DLG2: variants seen among roughly 807,000 people sequenced by gnomAD.
DLG2 encodes disks large homolog 2.
In DLG2, 45 loss-of-function variants were observed where a neutral mutation model predicts 132.5. The observed-to-expected ratio is 0.34, with a 90% CI of 0.27 to 0.44. The LOEUF is 0.44. Among genes scored for constraint, DLG2 ranks in the 20% least tolerant of loss-of-function variants. The probability of loss-of-function intolerance (pLI) is 1.00; values close to 1 mark genes in which losing one functional copy is unlikely to be tolerated. For missense variants in DLG2, 1,045 were observed against 1,196.9 expected, an observed-to-expected ratio of 0.87 and a Z score of 1.87; for synonymous variants, 424 against 419.6, an observed-to-expected ratio of 1.01 and a Z score of -0.13.
At chr11:84,208,464 C>T (rs2096707025) in intron 8 of DLG2, among the ~76,000 whole-genome samples, 1 of 151,778 alleles carries the variant, frequency 6.6e-6, no homozygotes, top group South Asian at 2.1e-4. Context: ...CTGCCTCAGC[C>T]TCCTGAGTAG....
chr11:83,895,136 AACT>A (rs1488156711), intron 15 of DLG2, among the ~76,000 whole-genome samples: 1 of 148,474 alleles, frequency 6.7e-6, no homozygotes, highest in African/African-American at 2.5e-5. Context: ...TATTACTAAG[AACT>A]ACTGTCTTTT....
At chr11:85,524,932 T>C (rs944239383) in intron 3 of DLG2, 1 of 149,298 alleles carries the variant, frequency 6.7e-6, no homozygotes, top group Admixed American at 6.8e-5. Context: ...ATGATGGAAA[T>C]GTTCCATGTT....
At chr11:85,053,274 A>C (rs1242648038) in intron 6 of DLG2, among the ~76,000 whole-genome samples, 1 of 152,102 alleles carries the variant, frequency 6.6e-6, no homozygotes, top group Non-Finnish European at 1.5e-5. Context: ...GAGGAAAAAA[A>C]CACTAAAGAA....
At chr11:85,148,426 C>T (rs116541136) in intron 5 of DLG2, among the ~76,000 whole-genome samples, 7,785 of 151,994 alleles carry the variant, frequency 0.051, 292 homozygotes, top group East Asian at 0.095. Context: ...TTGTTTGTTG[C>T]TTTTTAATAA....
At chr11:84,097,502 T>C (rs543181695) in intron 10 of DLG2, among the ~76,000 whole-genome samples, 1 of 152,302 alleles carries the variant, frequency 6.6e-6, no homozygotes, top group African/African-American at 2.4e-5. Flanking sequence ...TCTTCACTTA[T>C]GCTTTCTGTA....
intron 6 of DLG2, among the ~76,000 whole-genome samples, chr11:84,750,199 G>C (rs192146131): frequency 5.3e-5 from 8 of 151,990 alleles, no homozygotes; most frequent in Admixed American, 1.3e-4. Context: ...ACATGTGCAC[G>C]ATATTCAGGC....
intron 4 of DLG2, among the ~76,000 whole-genome samples, chr11:85,206,194 T>C (rs555966163): frequency 2.3e-4 from 35 of 152,174 alleles, no homozygotes; most frequent in Non-Finnish European, 4.9e-4. Flanking sequence ...CCTTCTGCCA[T>C]GATTGGAAGC....
intron 5 of DLG2, among the ~76,000 whole-genome samples, chr11:85,141,279 T>C (rs1031963155): frequency 6.6e-6 from 1 of 151,926 alleles, no homozygotes; most frequent in Non-Finnish European, 1.5e-5. Flanking sequence ...GGTGAGATGA[T>C]ACCCCACTGT....
intron 7 of DLG2, among the ~76,000 whole-genome samples, chr11:84,291,745 T>C (rs1322355662): frequency 6.6e-6 from 1 of 152,224 alleles, no homozygotes; most frequent in Non-Finnish European, 1.5e-5. Context: ...GGCAAAGTTT[T>C]TCTATAAACC....
intron 6 of DLG2, among the ~76,000 whole-genome samples, chr11:84,662,807 A>AAAAAAAAAAAAAAAAT (rs57074119): frequency 6.8e-6 from 1 of 147,120 alleles, no homozygotes; most frequent in African/African-American, 2.6e-5. Flanking sequence ...AAAAAAAAAA[A>AAAAAAAAAAAAAAAAT]GGCAGTCACT....
intron 10 of DLG2, among the ~76,000 whole-genome samples, chr11:84,070,836 A>T (rs2096745576): frequency 6.6e-6 from 1 of 152,174 alleles, no homozygotes; most frequent in Admixed American, 6.5e-5. Flanking sequence ...ATAAACCTAA[A>T]TTCAAGGTCA....
intron 11 of DLG2, among the ~76,000 whole-genome samples, chr11:84,024,524 A>C (rs1160062930): frequency 6.6e-6 from 1 of 152,176 alleles, no homozygotes; most frequent in Non-Finnish European, 1.5e-5. Context: ...ATTAAGAGAT[A>C]AACTGATAAA....
intron 8 of DLG2, among the ~76,000 whole-genome samples, chr11:84,223,758 T>C (rs893235979): frequency 2.0e-5 from 3 of 152,178 alleles, no homozygotes; most frequent in African/African-American, 4.8e-5. Context: ...GGTTTCGGCA[T>C]GTTGGCCAGG....
At chr11:84,362,666 C>G (rs1012766115) in intron 7 of DLG2, among the ~76,000 whole-genome samples, 1 of 152,046 alleles carries the variant, frequency 6.6e-6, no homozygotes, top group Non-Finnish European at 1.5e-5. Context: ...CCACTCCCCC[C>G]ACCTCACAAC....
intron 18 of DLG2, among the ~76,000 whole-genome samples, chr11:83,734,794 T>G (rs1031543459): frequency 2.0e-5 from 3 of 152,150 alleles, no homozygotes; most frequent in Admixed American, 6.6e-5. Flanking sequence ...CAGAGGATAA[T>G]GCACACAGTA....
intron 3 of DLG2, among the ~76,000 whole-genome samples, chr11:85,410,774 T>C (rs568275681): frequency 9.2e-5 from 14 of 151,996 alleles, no homozygotes; most frequent in African/African-American, 3.1e-4. Flanking sequence ...AAGTGATGTG[T>C]TACAGGGGAG....
intron 3 of DLG2, among the ~76,000 whole-genome samples, chr11:85,373,765 CTG>C (rs2085177269): frequency 6.6e-6 from 1 of 152,182 alleles, no homozygotes; most frequent in Admixed American, 6.5e-5. Flanking sequence ...TTTAAACCAT[CTG>C]TGAGCCTAAA....
At chr11:83,779,156 G>A (rs2094705892) in intron 18 of DLG2, among the ~76,000 whole-genome samples, 1 of 151,930 alleles carries the variant, frequency 6.6e-6, no homozygotes. Flanking sequence ...TTAATACTTG[G>A]CAACAAAGAG....
chr11:85,347,743 A>C (rs2082949533), intron 3 of DLG2, among the ~76,000 whole-genome samples: 1 of 150,882 alleles, frequency 6.6e-6, no homozygotes, highest in African/African-American at 2.4e-5. Flanking sequence ...CGTGTCTCCT[A>C]CATAACTATT....
Sources: gnomAD v4.1 joint callset for allele counts (sites outside exome capture counted in the v4.1 genomes callset) on GRCh38, gnomAD v4.1.1 for gene constraint, MANE v1.5 for transcripts, NCBI Gene and HGNC (gene_info 2026-07-23, HGNC 2026-07-21) for gene names.